ANKRD11: variants seen among roughly 807,000 people sequenced by gnomAD.
ANKRD11 encodes the protein ankyrin repeat domain-containing protein 11.
Under a neutral mutation model 195.7 loss-of-function variants are expected in ANKRD11, and 17 were observed. The observed-to-expected ratio is 0.09, with a 90% CI of 0.06 to 0.13. ANKRD11 has a LOEUF of 0.13. ANKRD11 is among the 10% of genes least tolerant of loss of function. The probability of loss-of-function intolerance (pLI) is 1.00; values close to 1 mark genes in which losing one functional copy is unlikely to be tolerated. For missense variants in ANKRD11, 3,735 were observed against 3,566.1 expected (o/e 1.05, Z -1.21); for synonymous variants, 1,953 against 1,528.1 (o/e 1.28, Z -6.49).
At position 89,282,567 on chromosome 16, in the gene ANKRD11, G is replaced by C; in HGVS notation, c.3975C>G (p.Phe1325Leu). 2.5e-6 allele frequency: 4 copies of C among 1,614,026 alleles called. No individual in the cohort carries two copies. The highest frequency in any genetic ancestry group is 1.1e-5 in the South Asian group (1 of 91,060). ...PGLTAFLEVSFTEPPGDDKPR... is the reference protein window; with the variant it reads ...PGLTAFLEVSLTEPPGDDKPR... Reference sequence around the variant, plus strand: ...GCTTGTCGTCTCCAGGTGGCTCCGTGAAAGAGACCTCCAGGAAGGCAGTCA... The same window carrying C: ...GCTTGTCGTCTCCAGGTGGCTCCGTCAAAGAGACCTCCAGGAAGGCAGTCA... Residue 1325 changes from phenylalanine (F) to leucine (L), a missense_variant, in exon 9 of 13, where the codon TTC becomes TTG. Transcript: ENST00000301030.
intron 4 of ANKRD11, among the ~76,000 whole-genome samples, chr16:89,304,669 T>C (rs1227537580): frequency 2.0e-5 from 3 of 151,382 alleles, no homozygotes; most frequent in Non-Finnish European, 2.9e-5. Flanking sequence ...CATGTGCACA[T>C]GGGCACACAT....
chr16:89,398,521 A>G (rs1400389829), intron 2 of ANKRD11, among the ~76,000 whole-genome samples: 2 of 152,232 alleles, frequency 1.3e-5, no homozygotes, highest in African/African-American at 4.8e-5. Context: ...GTGTGAGACC[A>G]GCCTGGGCAA....
chr16:89,315,643 G>A (rs920793338), intron 3 of ANKRD11, among the ~76,000 whole-genome samples: 5 of 152,240 alleles, frequency 3.3e-5, no homozygotes, highest in Non-Finnish European at 5.9e-5. Context: ...CCCTGCACAC[G>A]GCACGAGGAG....
chr16:89,473,604 G>T (rs1486793475), intron 1 of ANKRD11, among the ~76,000 whole-genome samples: 2 of 152,224 alleles, frequency 1.3e-5, no homozygotes, highest in African/African-American at 4.8e-5. Context: ...CATGCAAATG[G>T]AGGAGAGAGA....
intron 3 of ANKRD11, among the ~76,000 whole-genome samples, chr16:89,308,169 A>G (rs1428908822): frequency 1.3e-5 from 2 of 152,272 alleles, no homozygotes; most frequent in Non-Finnish European, 2.9e-5. Flanking sequence ...AACATACCTT[A>G]TGAACATAGA....
chr16:89,428,253 C>G (rs562319601), intron 1 of ANKRD11, among the ~76,000 whole-genome samples: 2 of 149,258 alleles, frequency 1.3e-5, no homozygotes, highest in Non-Finnish European at 3.0e-5. Flanking sequence ...TGGCCGGGCA[C>G]GGTGGTTCAC....
intron 2 of ANKRD11, among the ~76,000 whole-genome samples, chr16:89,411,700 C>T (rs1185995758): frequency 1.3e-5 from 2 of 152,158 alleles, no homozygotes; most frequent in African/African-American, 4.8e-5. Context: ...GGCCAGTTTA[C>T]ATTCGGAACC....
chr16:89,309,761 C>T (rs1203587456), intron 3 of ANKRD11, among the ~76,000 whole-genome samples: 1 of 152,232 alleles, frequency 6.6e-6, no homozygotes, highest in East Asian at 1.9e-4. Context: ...GCAGGAACCA[C>T]GTGCACATGC....
At chr16:89,326,788 A>G (rs1041697507) in intron 2 of ANKRD11, among the ~76,000 whole-genome samples, 1 of 152,178 alleles carries the variant, frequency 6.6e-6, no homozygotes, top group African/African-American at 2.4e-5. Flanking sequence ...GGGGCATGAA[A>G]AAGTGCTTGG....
intron 2 of ANKRD11, among the ~76,000 whole-genome samples, chr16:89,394,681 T>G (rs1331620107): frequency 6.6e-6 from 1 of 151,316 alleles, no homozygotes; most frequent in African/African-American, 2.4e-5. Context: ...TATTTTCCAC[T>G]CCTCGTCTCA....
intron 2 of ANKRD11, among the ~76,000 whole-genome samples, chr16:89,344,603 G>C (rs902171193): frequency 6.6e-6 from 1 of 152,232 alleles, no homozygotes; most frequent in Non-Finnish European, 1.5e-5. Flanking sequence ...CAATGCAAGC[G>C]TCCGGGAGGA....
At chr16:89,320,031 T>C (rs750857478) in intron 2 of ANKRD11, 2 of 152,324 alleles carry the variant, frequency 1.3e-5, no homozygotes, top group African/African-American at 4.8e-5. Flanking sequence ...TACTCAGCCG[T>C]GTCAGTGACT....
chr16:89,306,548 A>C (rs1406758821), intron 3 of ANKRD11, among the ~76,000 whole-genome samples: 6 of 26,684 alleles, frequency 2.2e-4, no homozygotes, highest in Admixed American at 5.4e-4. Context: ...CGCGCCACTT[A>C]CCTCCCACTC....
intron 3 of ANKRD11, chr16:89,313,181 T>A (rs996763892): frequency 2.2e-6 from 2 of 916,682 alleles, no homozygotes; most frequent in Non-Finnish European, 2.9e-6. Flanking sequence ...CAAGTGAAGC[T>A]CAGGGGGCTG....
At chr16:89,324,255 G>T in intron 2 of ANKRD11, 1 of 1,227,338 alleles carries the variant, frequency 8.1e-7, no homozygotes, top group Non-Finnish European at 1.0e-6. Context: ...TGGTCACTGG[G>T]CTGTGGAACA....
At chr16:89,470,525 AAT>A (rs34772747) in intron 1 of ANKRD11, among the ~76,000 whole-genome samples, 77,438 of 151,362 alleles carry the variant, frequency 0.51, 19,890 homozygotes, top group Middle Eastern at 0.65. Context: ...AAGGAGGGTA[AAT>A]ACTAAAGTAT....
At position 89,411,141 on chromosome 16, in the gene ANKRD11, G is replaced by A. The variant is rs546497897; in HGVS notation, c.-60+7143C>T. ...GCCAGGGCAGAAGGCAGCAGCACAG[G>A]GGCTCGGGCCCACGCTGGCTGTCCA... On this transcript the variant is annotated intron_variant, in intron 2 of 12. Transcript: ENST00000301030. Among the ~76,000 whole-genome samples, 6 of 152,384 alleles carry A rather than the reference G, an allele frequency of 3.9e-5. No individual in the cohort carries two copies. In the South Asian group the frequency reaches 1.0e-3, roughly 26 times the overall value.
chr16:89,444,045 G>C (rs766441359), intron 1 of ANKRD11, among the ~76,000 whole-genome samples: 2 of 152,188 alleles, frequency 1.3e-5, no homozygotes, highest in African/African-American at 4.8e-5. Flanking sequence ...AACTCACCAA[G>C]GCTGGGACAA....
chr16:89,435,334 G>C (rs115672913), intron 1 of ANKRD11, among the ~76,000 whole-genome samples: 1 of 152,320 alleles, frequency 6.6e-6, no homozygotes, highest in African/African-American at 2.4e-5. Flanking sequence ...GGCCGAATAA[G>C]GGAATAAAAG....
Sources: gnomAD v4.1 joint callset for allele counts (sites outside exome capture counted in the v4.1 genomes callset) on GRCh38, gnomAD v4.1.1 for gene constraint, MANE v1.5 for transcripts, NCBI Gene and HGNC (gene_info 2026-07-23, HGNC 2026-07-21) for gene names.